The following NELL1 variants were observed in gnomAD, a reference collection of about 807,000 sequenced individuals.
NELL1 encodes neural EGFL like 1, also known as protein kinase C-binding protein NELL1.
In NELL1, 76 loss-of-function variants were observed where a neutral mutation model predicts 107.4. That is an observed-to-expected ratio of 0.71 (90% CI 0.59 to 0.86). The LOEUF (loss-of-function observed/expected upper bound fraction) is 0.86. Among genes scored for constraint, NELL1 ranks in the 40% least tolerant of loss-of-function variants. The probability of loss-of-function intolerance (pLI) is 0.00; values close to 1 mark genes in which losing one functional copy is unlikely to be tolerated. For synonymous variants in NELL1, 353 were observed against 341.2 expected (o/e 1.03, Z -0.38); for missense variants, 1,024 against 1,005.5 (o/e 1.02, Z -0.25).
At chr11:20,803,780 T>C (rs940776438) in intron 3 of NELL1, among the ~76,000 whole-genome samples, 4 of 152,188 alleles carry the variant, frequency 2.6e-5, no homozygotes, top group African/African-American at 9.7e-5. Flanking sequence ...GAGATTAACA[T>C]TAGAGTCAGT....
chr11:21,073,060 C>T (rs539646638), intron 12 of NELL1, among the ~76,000 whole-genome samples: 31 of 152,242 alleles, frequency 2.0e-4, no homozygotes, highest in African/African-American at 6.5e-4. Context: ...TCCTTTTTCT[C>T]TGTTGCTGGC....
In NELL1 at chr11:21,194,811, G is replaced by T. The variant is rs1200073934; in HGVS notation, c.1427-34521G>T. On this transcript the variant is annotated intron_variant, in intron 13 of 19. Transcript: ENST00000357134. ...GTAAACTGTTGAGGATGCACTCCATGGATACAACTGTATCATATGCAAAAG... is the reference window on the plus strand; with the variant it reads ...GTAAACTGTTGAGGATGCACTCCATTGATACAACTGTATCATATGCAAAAG... Among the ~76,000 whole-genome samples the T allele has an allele frequency of 3.9e-5, 6 of 152,064 alleles. No homozygotes were observed. The East Asian group carries it at 1.2e-3, about 29-fold the overall frequency.
At chr11:21,215,585 A>C (rs973866568) in intron 13 of NELL1, among the ~76,000 whole-genome samples, 3 of 152,210 alleles carry the variant, frequency 2.0e-5, no homozygotes, top group African/African-American at 7.2e-5. Flanking sequence ...AAATGCTGAT[A>C]GTGATATAGA....
At chr11:21,433,866 G>T (rs1205789090) in intron 15 of NELL1, among the ~76,000 whole-genome samples, 2 of 151,908 alleles carry the variant, frequency 1.3e-5, no homozygotes, top group Non-Finnish European at 2.9e-5. Context: ...GTAGAGATGG[G>T]GTTTCTCCAT....
At chr11:21,360,005 T>G (rs910821931) in intron 14 of NELL1, among the ~76,000 whole-genome samples, 3 of 152,180 alleles carry the variant, frequency 2.0e-5, no homozygotes, top group African/African-American at 7.2e-5. Flanking sequence ...GCTCTGATCT[T>G]TGTTATTTCT....
chr11:20,892,254 C>T (rs1482385969), intron 5 of NELL1, among the ~76,000 whole-genome samples: 1 of 152,146 alleles, frequency 6.6e-6, no homozygotes, highest in African/African-American at 2.4e-5. Context: ...ACAATGTGCT[C>T]CTGAATTACT....
chr11:20,833,276 G>C (rs1858052110), intron 3 of NELL1, among the ~76,000 whole-genome samples: 1 of 150,498 alleles, frequency 6.6e-6, no homozygotes, highest in African/African-American at 2.5e-5. Context: ...GGTAAGACTT[G>C]ATAAATGTTA....
chr11:21,174,163 A>G (rs1170951855), intron 13 of NELL1, among the ~76,000 whole-genome samples: 3 of 151,580 alleles, frequency 2.0e-5, no homozygotes, highest in Non-Finnish European at 4.4e-5. Context: ...GTGGTCATAT[A>G]TTTTTCATCC....
At chr11:21,476,802 A>C (rs1406274899) in intron 15 of NELL1, among the ~76,000 whole-genome samples, 1 of 152,098 alleles carries the variant, frequency 6.6e-6, no homozygotes, top group Non-Finnish European at 1.5e-5. Flanking sequence ...GGGAAGGGAG[A>C]GCACAATGAT....
chr11:21,192,983 T>C (rs2133837792), intron 13 of NELL1, among the ~76,000 whole-genome samples: 1 of 152,010 alleles, frequency 6.6e-6, no homozygotes, highest in South Asian at 2.1e-4. Flanking sequence ...TTAAAGCCAT[T>C]TATCACTAAG....
intron 4 of NELL1, among the ~76,000 whole-genome samples, chr11:20,851,888 G>A (rs1040782254): frequency 3.3e-5 from 5 of 152,170 alleles, no homozygotes; most frequent in Admixed American, 1.3e-4. Flanking sequence ...ATGCAGACAG[G>A]AGCCCTGTAA....
At chr11:20,893,798 T>C (rs779313830) in intron 5 of NELL1, among the ~76,000 whole-genome samples, 60 of 149,844 alleles carry the variant, frequency 4.0e-4, no homozygotes, top group Non-Finnish European at 8.0e-4. Flanking sequence ...CTGTTGTATA[T>C]TGCTTACAGT....
chr11:21,103,565 A>G (rs1386371488), intron 12 of NELL1, among the ~76,000 whole-genome samples: 1 of 152,224 alleles, frequency 6.6e-6, no homozygotes, highest in Non-Finnish European at 1.5e-5. Context: ...GCTTAAAACT[A>G]TGCTTGGCAT....
intron 13 of NELL1, among the ~76,000 whole-genome samples, chr11:21,206,624 C>T (rs1019787386): frequency 1.9e-4 from 29 of 152,244 alleles, no homozygotes; most frequent in African/African-American, 6.5e-4. Flanking sequence ...TTTGGAATCT[C>T]ATAGTTGACT....
At chr11:21,409,464 G>A (rs1419322374) in intron 15 of NELL1, among the ~76,000 whole-genome samples, 2 of 151,870 alleles carry the variant, frequency 1.3e-5, no homozygotes, top group Admixed American at 1.3e-4. Context: ...ATAGCATTAG[G>A]AGATATACCT....
rs553333287 is a variant in NELL1 at position 20,941,869 on chromosome 11, T to C, written c.1071+4010T>C. Among the ~76,000 whole-genome samples, 9 of 152,084 alleles carry C rather than the reference T, an allele frequency of 5.9e-5. No individual in the cohort carries two copies. In the South Asian group the frequency reaches 1.2e-3, roughly 21 times the overall value. ...AGTGAGGCACAGACAGAAGGAAGTA[T>C]GGAAGGAAAGGCAGGAGAGCAAGTA... is the stretch of plus-strand genomic sequence containing the variant. On this transcript the variant is annotated intron_variant, in intron 10 of 19. Transcript: ENST00000357134.
At chr11:21,316,062 C>T (rs957754016) in intron 14 of NELL1, among the ~76,000 whole-genome samples, 2 of 152,104 alleles carry the variant, frequency 1.3e-5, no homozygotes, top group African/African-American at 4.8e-5. Context: ...ATTTTTGGGA[C>T]AGTTTGTGAA....
At chr11:20,726,352 A>T (rs999009306) in intron 2 of NELL1, among the ~76,000 whole-genome samples, 3 of 152,202 alleles carry the variant, frequency 2.0e-5, no homozygotes, top group African/African-American at 7.2e-5. Flanking sequence ...ATAAGTTTAC[A>T]ACTTGCTGGG....
At chr11:21,473,437 A>G (rs1854233627) in intron 15 of NELL1, among the ~76,000 whole-genome samples, 1 of 152,052 alleles carries the variant, frequency 6.6e-6, no homozygotes, top group Admixed American at 6.6e-5. Flanking sequence ...GTCCACACAC[A>G]AAAATGTCAT....
Sources: allele counts gnomAD v4.1 joint callset (sites outside exome capture counted in the v4.1 genomes callset), GRCh38; gene constraint gnomAD v4.1.1; transcripts MANE v1.5; gene names NCBI Gene and HGNC (gene_info 2026-07-23, HGNC 2026-07-21).